LRP2: variants seen among roughly 807,000 people sequenced by gnomAD.
LRP2 encodes low-density lipoprotein receptor-related protein 2.
A neutral mutation model predicts 531.0 loss-of-function variants in LRP2; 172 were observed. The ratio of observed to expected loss-of-function variants is 0.32; its 90% CI spans 0.29 to 0.37. The LOEUF (loss-of-function observed/expected upper bound fraction) is 0.37, where lower values mean the gene tolerates loss of function less well. LRP2 is among the 10% of genes least tolerant of loss of function. LRP2 has a pLI of 1.00. For missense variants in LRP2, 5,167 were observed against 5,868.3 expected (o/e 0.88, Z 3.90); for synonymous variants, 1,992 against 2,027.6 (o/e 0.98, Z 0.47).
intron 17 of LRP2, 95 bp downstream of exon 17, chr2:169,258,930 T>C (rs1690420970): frequency 4.7e-6 from 5 of 1,073,402 alleles, no homozygotes; most frequent in Middle Eastern, 2.0e-4. Flanking sequence ...CAATCTTATA[T>C]TTGCTGAACT....
At chr2:169,229,401 C>G (rs1689321537) in intron 31 of LRP2, among the ~76,000 whole-genome samples, 1 of 152,140 alleles carries the variant, frequency 6.6e-6, no homozygotes, top group Non-Finnish European at 1.5e-5. Context: ...AAGTCATACC[C>G]TGCACAAGCT....
At chr2:169,244,591 A>G (rs1689933447) in intron 22 of LRP2, 102 bp downstream of exon 22, 11 of 1,481,388 alleles carry the variant, frequency 7.4e-6, no homozygotes, top group Middle Eastern at 1.7e-4. Context: ...TAAAGAGACA[A>G]TGAAAATTGC....
At chr2:169,229,149 AG>A (rs948896133) in intron 31 of LRP2, among the ~76,000 whole-genome samples, 20 of 152,304 alleles carry the variant, frequency 1.3e-4, no homozygotes, top group African/African-American at 4.6e-4. Context: ...AATGGCATGA[AG>A]GGGTAGGCAC....
intron 19 of LRP2, among the ~76,000 whole-genome samples, chr2:169,247,914 G>A (rs1690076055): frequency 6.6e-6 from 1 of 152,190 alleles, no homozygotes; most frequent in African/African-American, 2.4e-5. Context: ...TACGCTGTGT[G>A]AAGGAGACAG....
intron 35 of LRP2, 83 bp downstream of exon 35, chr2:169,216,170 A>C: frequency 7.0e-7 from 1 of 1,434,916 alleles, no homozygotes; most frequent in Non-Finnish European, 9.8e-7. Flanking sequence ...TTGTTCAAGA[A>C]CCACTGCCTG....
In LRP2 at chr2:169,129,005, A is replaced by C; in HGVS notation, c.13800+8T>G. The C allele has an allele frequency of 6.2e-7, 1 of 1,604,284 alleles. No individual in the cohort carries two copies. Among genetic ancestry groups the C allele is most frequent in the Non-Finnish European group, 8.5e-7 (1 of 1,171,166 alleles). On this transcript the variant is annotated splice_region_variant and intron_variant, in intron 78 of 78. Coordinates refer to ENST00000649046, the MANE Select transcript of LRP2 (RefSeq NM_004525.3). ...ATGTCTGTGCTAAGAAAAATTGTTA[A>C]AAATTACCTGTGCATAGATTGGATT... is the stretch of plus-strand genomic sequence containing the variant.
chr2:169,202,677 A>G (rs967170398), intron 43 of LRP2, 79 bp downstream of exon 43: 1 of 1,418,368 alleles, frequency 7.1e-7, no homozygotes, highest in African/African-American at 1.4e-5. Flanking sequence ...ACACATTCAC[A>G]CATAGCAGGA....
chr2:169,187,071 CT>C (rs1049380047), intron 49 of LRP2, among the ~76,000 whole-genome samples: 6 of 150,836 alleles, frequency 4.0e-5, no homozygotes, highest in Non-Finnish European at 5.9e-5. Context: ...AAATTTTTTT[CT>C]TTTTTTTTCT....
At chr2:169,302,797 A>C (rs958586386) in intron 4 of LRP2, among the ~76,000 whole-genome samples, 1 of 151,810 alleles carries the variant, frequency 6.6e-6, no homozygotes, top group Admixed American at 6.6e-5. Flanking sequence ...ATAGAAGGAA[A>C]CCCCATAAAT....
chr2:169,233,539 C>T lies in LRP2; in HGVS notation c.4970G>A (p.Trp1657Ter), dbSNP rs1178085518. 6.2e-7 allele frequency: 1 copy of T among 1,613,996 alleles called. No homozygotes were observed. Among genetic ancestry groups the T allele is most frequent in the Non-Finnish European group, 8.5e-7 (1 of 1,180,040 alleles). The stretch of plus-strand genomic sequence containing the variant: ...AACCCGACGAGTAGCACGGTCAGTC[C>T]AGTACACAGAGTCTTCAAAGAGAGT... ...ALTLFEDSVY[W>*]TDRATRRVMR... The change falls in exon 30 of 79, where the codon TGG (tryptophan) becomes TAG (stop). Residue 1657 changes from tryptophan (W) to a stop codon, truncating the protein, a stop_gained. Transcript: ENST00000649046. LOFTEE classifies it high-confidence loss of function.
intron 1 of LRP2, among the ~76,000 whole-genome samples, chr2:169,323,698 A>G (rs561576254): frequency 1.3e-5 from 2 of 152,106 alleles, no homozygotes; most frequent in South Asian, 2.1e-4. Context: ...AAAAAAATCT[A>G]CATAGAACCA....
At chr2:169,216,479 G>C in intron 34 of LRP2, 49 bp from the exon 35 acceptor site, 2 of 1,571,404 alleles carry the variant, frequency 1.3e-6, no homozygotes, top group African/African-American at 1.4e-5. Context: ...AGGTGGATTT[G>C]AGTCAGTGAC....
chr2:169,290,708 C>T (rs1013207489), intron 8 of LRP2, 137 bp downstream of exon 8: 7 of 893,818 alleles, frequency 7.8e-6, no homozygotes, highest in Admixed American at 4.2e-5. Flanking sequence ...AAATAAGACA[C>T]GTTTCTCAGT....
intron 22 of LRP2, 128 bp from the exon 23 acceptor site, chr2:169,243,650 T>C: frequency 9.5e-7 from 1 of 1,050,230 alleles, no homozygotes; most frequent in Non-Finnish European, 1.5e-6. Flanking sequence ...TTCTTTTGAA[T>C]CAGCCACACT....
intron 57 of LRP2, 126 bp downstream of exon 57, chr2:169,172,970 T>C: frequency 1.5e-6 from 2 of 1,322,286 alleles, no homozygotes; most frequent in Non-Finnish European, 2.1e-6. Flanking sequence ...GAATCAACCA[T>C]TTTTTTACAG....
At chr2:169,346,429 GA>G (rs889919172) in intron 1 of LRP2, among the ~76,000 whole-genome samples, 1 of 150,502 alleles carries the variant, frequency 6.6e-6, no homozygotes, top group African/African-American at 2.4e-5. Context: ...AAGTGACCTT[GA>G]AAAAAAAATG....
intron 52 of LRP2, among the ~76,000 whole-genome samples, chr2:169,178,596 G>A (rs761034899): frequency 1.3e-5 from 2 of 152,090 alleles, no homozygotes; most frequent in African/African-American, 4.8e-5. Context: ...ATTATTAATC[G>A]TGCCATGGCA....
intron 48 of LRP2, among the ~76,000 whole-genome samples, chr2:169,190,322 T>C (rs1428453505): frequency 6.6e-6 from 1 of 152,248 alleles, no homozygotes; most frequent in Non-Finnish European, 1.5e-5. Flanking sequence ...TGTCTTTGCA[T>C]TGTCAGTTCA....
intron 72 of LRP2, 124 bp from the exon 73 acceptor site, chr2:169,139,734 T>C (rs1685652249): frequency 4.8e-6 from 4 of 841,424 alleles, no homozygotes; most frequent in Non-Finnish European, 8.2e-6. Context: ...ACAGACAATG[T>C]ATCCTGCATG....
Sources: allele counts gnomAD v4.1 joint callset (sites outside exome capture counted in the v4.1 genomes callset), GRCh38; gene constraint gnomAD v4.1.1; transcripts MANE v1.5; gene names NCBI Gene and HGNC (gene_info 2026-07-23, HGNC 2026-07-21).